OSBPL3: variants seen among roughly 807,000 people sequenced by gnomAD.
OSBPL3 encodes oxysterol binding protein like 3.
A neutral mutation model predicts 120.1 loss-of-function variants in OSBPL3; 65 were observed. That is an observed-to-expected ratio of 0.54 (90% confidence interval 0.44 to 0.67). The LOEUF is 0.67. Ranked by LOEUF, OSBPL3 falls within the 30% of genes least tolerant of loss-of-function variation. OSBPL3 has a pLI of 0.00. For synonymous variants in OSBPL3, 416 were observed against 402.6 expected, an observed-to-expected ratio of 1.03 and a Z score of -0.40; for missense variants, 1,004 against 1,082.1, an observed-to-expected ratio of 0.93 and a Z score of 1.01.
In OSBPL3 at chr7:24,861,643, G is replaced by T; in HGVS notation, c.997C>A (p.Gln333Lys). The T allele has an allele frequency of 6.2e-7, 1 of 1,604,798 alleles. No individual in the cohort carries two copies. Among genetic ancestry groups the T allele is most frequent in the Non-Finnish European group, 8.5e-7 (1 of 1,176,548 alleles). Residue 333 changes from glutamine (Q) to lysine (K), a missense_variant, in exon 10 of 23, where the codon CAA becomes AAA. By Grantham distance (53) the Gln-to-Lys change is moderately conservative. Around this residue, in one of 4 missense-constraint regions of OSBPL3, gnomAD observed 272 missense variants for 248.8 expected, o/e 1.09. Coordinates refer to ENST00000313367, the MANE Select transcript of OSBPL3 (RefSeq NM_015550.4). ...TGGGCAATATGACACAGATCTTCTT[G>T]CATTTTAGAAAACTCTGATGAGGTT... ...SETSSEFSKM[Q>K]EDLCHIAHKV...
chr7:24,901,364 A>C (rs183311934), intron 1 of OSBPL3, among the ~76,000 whole-genome samples: 334 of 146,306 alleles, frequency 2.3e-3, no homozygotes, highest in African/African-American at 8.1e-3. Flanking sequence ...AAAAAAAAAA[A>C]GAGAGAGAGA....
In OSBPL3 at chr7:24,918,256, T is replaced by C. The variant is rs1284628588; in HGVS notation, c.-149-25635A>G. 1.3e-5 allele frequency among the ~76,000 whole-genome samples: 2 copies of C among 152,194 alleles called. No individual in the cohort carries two copies. Among genetic ancestry groups the C allele is most frequent in the Non-Finnish European group, 2.9e-5 (2 of 68,034 alleles). On this transcript the variant is annotated intron_variant, in intron 1 of 22. Transcript: ENST00000313367. This position sits in a 1 kb window ranked among gnomAD's most constrained non-coding sequence, Gnocchi z 4.3. ...TTCAGAAGCTGGCAGTGTGCTTTCC[T>C]ACTTGACCCTATCCTCCCTAAGTTT...
intron 1 of OSBPL3, among the ~76,000 whole-genome samples, chr7:24,954,982 T>G (rs1042191947): frequency 6.6e-6 from 1 of 152,170 alleles, no homozygotes; most frequent in African/African-American, 2.4e-5. Context: ...AATGTGATCA[T>G]GCCCTCCATA....
intron 16 of OSBPL3, among the ~76,000 whole-genome samples, chr7:24,826,908 C>G (rs1380205666): frequency 6.6e-6 from 1 of 152,126 alleles, no homozygotes; most frequent in Admixed American, 6.6e-5. Flanking sequence ...CTCACCACCT[C>G]GAACATCCAC....
Position 24,840,794 on chromosome 7 carries a change from G to C in OSBPL3, c.1402-11C>G, listed in dbSNP as rs753739710. ...GTCATCATCAGAAATCTATGGGAAA[G>C]AAGAAATAACATTCATTAGAGTTAG... On this transcript the variant is annotated splice_polypyrimidine_tract_variant and intron_variant, in intron 13 of 22. Transcript: ENST00000313367. 1.6e-6 allele frequency: 2 copies of C among 1,219,280 alleles called. No individual in the cohort carries two copies. Among genetic ancestry groups the C allele is most frequent in the Non-Finnish European group, 2.3e-6 (2 of 852,442 alleles). The allele number at this position is 1,219,280 out of a possible 1,614,324, so 75.5% of individuals were successfully genotyped here.
Position 24,830,959 on chromosome 7 carries a change from G to A in OSBPL3, c.1747-54C>T, listed in dbSNP as rs1404429389. ...TTTCCGTGTCACCAAGAGCTTTATT[G>A]TTCACAAAGAACTAAACAAAATAAA... On this transcript the variant is annotated intron_variant, in intron 15 of 22. Coordinates refer to ENST00000313367, the MANE Select transcript of OSBPL3 (RefSeq NM_015550.4). The surrounding 1 kb of genome is among the most constrained non-coding windows in gnomAD (Gnocchi z 4.4). The A allele has an allele frequency of 1.6e-5, 24 of 1,502,054 alleles. No individual in the cohort carries two copies. Among genetic ancestry groups the A allele is most frequent in the Non-Finnish European group, 2.1e-5 (24 of 1,123,910 alleles). The allele number at this position is 1,502,054 out of a possible 1,614,324, so 93.0% of individuals were successfully genotyped here. A position where few individuals can be genotyped will look rare whatever the true frequency, so the allele number is the denominator to read the frequency against.
intron 1 of OSBPL3, among the ~76,000 whole-genome samples, chr7:24,934,827 C>T (rs1233987311): frequency 2.0e-5 from 3 of 152,146 alleles, no homozygotes; most frequent in Admixed American, 1.3e-4. Flanking sequence ...CTTTTGGCAA[C>T]AGGCAGATGG....
At chr7:24,980,567 G>A (rs1232817596), upstream of OSBPL3, among the ~76,000 whole-genome samples, 3 of 152,120 alleles carry the variant, frequency 2.0e-5, no homozygotes, top group Non-Finnish European at 4.4e-5. Context: ...CAGCGCGGGA[G>A]GGGCAGGTTT....
chr7:24,848,883 G>A (rs1447282092), intron 12 of OSBPL3, among the ~76,000 whole-genome samples, 186 bp downstream of exon 12: 1 of 152,178 alleles, frequency 6.6e-6, no homozygotes. Flanking sequence ...AGCAGCATAC[G>A]CTCAAGAAAG....
In OSBPL3 at chr7:24,822,093, G is replaced by A. The variant is rs554523727; in HGVS notation, c.1885-1855C>T. Among the ~76,000 whole-genome samples the A allele has an allele frequency of 1.3e-5, 2 of 152,076 alleles. No homozygotes were observed. The highest frequency in any genetic ancestry group is 4.2e-4 in the South Asian group (2 of 4,804). Reference sequence around the variant, plus strand: ...CATGCTATGTTGCCCAGACTGGTCCGGAACTCCTGGCCTCAAGTGATCTTC... The same window carrying A: ...CATGCTATGTTGCCCAGACTGGTCCAGAACTCCTGGCCTCAAGTGATCTTC... On this transcript the variant is annotated intron_variant, in intron 16 of 22. Coordinates refer to ENST00000313367, the MANE Select transcript of OSBPL3 (RefSeq NM_015550.4). This position sits in a 1 kb window ranked among gnomAD's most constrained non-coding sequence, Gnocchi z 5.8.
Position 24,835,747 on chromosome 7 carries a change from G to A in OSBPL3, c.1496-1011C>T, listed in dbSNP as rs1195479714. 6.6e-6 allele frequency among the ~76,000 whole-genome samples: 1 copy of A among 152,076 alleles called. No individual in the cohort carries two copies. Among genetic ancestry groups the A allele is most frequent in the African/African-American group, 2.4e-5 (1 of 41,396 alleles). On this transcript the variant is annotated intron_variant, in intron 14 of 22. Coordinates refer to ENST00000313367, the MANE Select transcript of OSBPL3 (RefSeq NM_015550.4). The surrounding 1 kb of genome is among the most constrained non-coding windows in gnomAD (Gnocchi z 4.8). ...ACTGTGCAGCCATAAAAAAGAATGG[G>A]ATCATAGCCTTTGCAGCAACATAGA...
In OSBPL3 at chr7:24,812,765, TG is replaced by T. The variant is rs1360479497; in HGVS notation, c.2172+2293del. ...CATTTCAAGGCTGTGGTAAAAATGG[TG>T]GGGCACGGAAGTGTCTCAGACCTGA... On this transcript the variant is annotated intron_variant, in intron 19 of 22. Coordinates refer to ENST00000313367, the MANE Select transcript of OSBPL3 (RefSeq NM_015550.4). 2.0e-5 allele frequency among the ~76,000 whole-genome samples: 3 copies of T among 152,138 alleles called. No homozygotes were observed. The East Asian group carries it at 5.8e-4, about 29-fold the overall frequency.
At chr7:24,905,340 C>G (rs1002917897) in intron 1 of OSBPL3, among the ~76,000 whole-genome samples, 2 of 152,004 alleles carry the variant, frequency 1.3e-5, no homozygotes, top group Non-Finnish European at 2.9e-5. Context: ...TAAATGGGTT[C>G]TGGATACCAA....
At chr7:24,865,273 GA>G in intron 7 of OSBPL3, 68 bp downstream of exon 7, 2 of 1,518,000 alleles carry the variant, frequency 1.3e-6, no homozygotes, top group Non-Finnish European at 1.8e-6. Context: ...AAATGAATCT[GA>G]AGTGTAAACA....
intron 16 of OSBPL3, among the ~76,000 whole-genome samples, chr7:24,825,819 T>C (rs1448771158): frequency 1.3e-5 from 2 of 152,218 alleles, no homozygotes; most frequent in African/African-American, 4.8e-5. Flanking sequence ...GCTGAGCCTG[T>C]AGAGCAAAAG....
intron 1 of OSBPL3, among the ~76,000 whole-genome samples, chr7:24,958,893 GCTGAT>G (rs1815389501): frequency 2.0e-5 from 3 of 152,118 alleles, no homozygotes; most frequent in Admixed American, 2.0e-4. Flanking sequence ...CCACTTAAAT[GCTGAT>G]CATCTTTTCT....
At position 24,915,707 on chromosome 7, in the gene OSBPL3, G is replaced by A. The variant is rs368122411; in HGVS notation, c.-149-23086C>T. On this transcript the variant is annotated intron_variant, in intron 1 of 22. Transcript: ENST00000313367. ...TCCTGCTTCAGCCTCCCAAGTAGCT[G>A]AAATTACAGGCAGCTGCCATCATGC... Among the ~76,000 whole-genome samples, 16 of 152,124 alleles carry A rather than the reference G, an allele frequency of 1.1e-4. 1 individual carries two copies. Among genetic ancestry groups the A allele is most frequent in the Admixed American group, 4.6e-4 (7 of 15,274 alleles).
chr7:24,917,428 T>A (rs12667793), intron 1 of OSBPL3, among the ~76,000 whole-genome samples: 6,278 of 92,016 alleles, frequency 0.068, 295 homozygotes, highest in Non-Finnish European at 0.098. Flanking sequence ...ATATATATAT[T>A]TGTAACATAT....
chr7:24,884,635 C>T (rs550220434), intron 2 of OSBPL3, among the ~76,000 whole-genome samples: 7 of 152,154 alleles, frequency 4.6e-5, no homozygotes, highest in African/African-American at 9.7e-5. Flanking sequence ...TCACAAAAGG[C>T]GAATGTTTAT....
Sources: gnomAD v4.1 joint callset for allele counts (sites outside exome capture counted in the v4.1 genomes callset) on GRCh38, gnomAD v4.1.1 for gene constraint, gnomAD v4.1.1 regional missense constraint, Gnocchi (gnomAD v3.1) non-coding constraint, MANE v1.5 for transcripts, NCBI Gene and HGNC (gene_info 2026-07-23, HGNC 2026-07-21) for gene names.